Variants in FOXP1 observed in about 807,000 individuals in gnomAD.
The protein encoded by FOXP1 is forkhead box protein P1.
Under a neutral mutation model 98.2 loss-of-function variants are expected in FOXP1, and 15 were observed. That is an observed-to-expected ratio of 0.15 (90% CI 0.10 to 0.24). FOXP1 has a LOEUF of 0.24. Ranked by LOEUF, FOXP1 falls within the 10% of genes least tolerant of loss-of-function variation. The pLI is 1.00. For synonymous variants in FOXP1, 371 were observed against 314.5 expected (o/e 1.18, Z -1.90); for missense variants, 633 against 848.5 (o/e 0.75, Z 3.15).
intron 2 of FOXP1, among the ~76,000 whole-genome samples, chr3:71,540,969 T>A (rs2044760020): frequency 6.6e-6 from 1 of 152,214 alleles, no homozygotes; most frequent in Non-Finnish European, 1.5e-5. Flanking sequence ...TATCTTGCCA[T>A]TAAAACCCCA....
chr3:71,377,374 C>G (rs1403471734), intron 3 of FOXP1, among the ~76,000 whole-genome samples: 2 of 152,118 alleles, frequency 1.3e-5, no homozygotes, highest in Non-Finnish European at 2.9e-5. Context: ...ATATAAATAT[C>G]ATGTAAAGGA....
chr3:71,441,437 T>C (rs531523872), intron 3 of FOXP1, among the ~76,000 whole-genome samples: 4 of 152,350 alleles, frequency 2.6e-5, no homozygotes, highest in Non-Finnish European at 5.9e-5. Flanking sequence ...CTGCTCCAGA[T>C]TGGCCTAGCA....
intron 5 of FOXP1, among the ~76,000 whole-genome samples, chr3:71,239,707 G>GA (rs1384296306): frequency 5.9e-5 from 9 of 152,184 alleles, no homozygotes; most frequent in South Asian, 4.1e-4. Context: ...GTAAAAGCAG[G>GA]AAAAAGAATA....
In FOXP1 at chr3:70,966,958, CAA is replaced by C. The variant is rs566947895; in HGVS notation, c.1723-904_1723-903del. 3.9e-4 allele frequency among the ~76,000 whole-genome samples: 59 copies of C among 152,254 alleles called. No homozygotes were observed. The East Asian group carries it at 0.011, about 29-fold the overall frequency. On this transcript the variant is annotated intron_variant, in intron 19 of 20. Transcript: ENST00000649528. Reference sequence around the variant, plus strand: ...ATACCACTGGACTAAGTAAGGTACCCAAAAATTTGTTTCATCCAGGTGGTGAT... The same window carrying C: ...ATACCACTGGACTAAGTAAGGTACCCAAATTTGTTTCATCCAGGTGGTGAT...
intron 3 of FOXP1, among the ~76,000 whole-genome samples, chr3:71,412,210 T>G (rs2082805795): frequency 6.6e-6 from 1 of 152,174 alleles, no homozygotes; most frequent in African/African-American, 2.4e-5. Context: ...GACTTGCTCC[T>G]GGCACCTGGG....
At chr3:71,113,737 T>TAAAATAAAATAAAATAAAATAAAAG (rs2058131957) in intron 6 of FOXP1, among the ~76,000 whole-genome samples, 1 of 148,396 alleles carries the variant, frequency 6.7e-6, no homozygotes, top group Non-Finnish European at 1.5e-5. Context: ...TAAAATAAAA[T>TAAAATAAAATAAAATAAAATAAAAG]AAAATAAAAT....
At chr3:71,403,055 CA>C (rs1280431442) in intron 3 of FOXP1, among the ~76,000 whole-genome samples, 2 of 152,184 alleles carry the variant, frequency 1.3e-5, no homozygotes, top group African/African-American at 4.8e-5. Flanking sequence ...ATTGTATAAG[CA>C]AAACCAAATT....
intron 5 of FOXP1, among the ~76,000 whole-genome samples, chr3:71,237,231 GAAAAAAAAAAAAA>G (rs757405755): frequency 8.1e-4 from 23 of 28,280 alleles, no homozygotes; most frequent in Non-Finnish European, 9.3e-4. Flanking sequence ...GACTCCATCT[GAAAAAAAAAAAAA>G]AAAAAAAAAA....
intron 2 of FOXP1, among the ~76,000 whole-genome samples, chr3:71,522,484 C>G (rs974106560): frequency 6.6e-6 from 1 of 152,162 alleles, no homozygotes; most frequent in Admixed American, 6.5e-5. Flanking sequence ...CTTGAATTAG[C>G]TATGTGACCT....
rs906810212 is a variant in FOXP1 at position 71,040,255 on chromosome 3, C to T, written c.869+1073G>A. On this transcript the variant is annotated intron_variant, in intron 11 of 20. Transcript: ENST00000649528. ...ATATATGAAATTACATTTGTAATTG[C>T]ATAACTGAAATATATAATTAAATGT... 2.0e-5 allele frequency: 3 copies of T among 152,058 alleles called. No individual in the cohort carries two copies. In the East Asian group the frequency reaches 5.8e-4, roughly 29 times the overall value. The allele number at this position is 152,058 out of a possible 1,614,324, so 9.4% of individuals were successfully genotyped here. A position where few individuals can be genotyped will look rare whatever the true frequency, so the allele number is the denominator to read the frequency against.
chr3:71,581,914 T>C lies in FOXP1; in HGVS notation c.-446-217A>G, dbSNP rs951970037. 1.2e-5 allele frequency: 12 copies of C among 977,348 alleles called. No individual in the cohort carries two copies. The African/African-American group carries it at 2.2e-4, about 18-fold the overall frequency. The allele number at this position is 977,348 out of a possible 1,614,324, so 60.5% of individuals were successfully genotyped here. A position where few individuals can be genotyped will look rare whatever the true frequency, so the allele number is the denominator to read the frequency against. On this transcript the variant is annotated intron_variant, in intron 1 of 20. Coordinates refer to ENST00000649528, the MANE Select transcript of FOXP1 (RefSeq NM_001349338.3). ...ACCGGGAAATCGGCCCGAGCCAAAGTCTCAGCACCTTCCCCAGGATCTCAC... is the reference window on the plus strand; with the variant it reads ...ACCGGGAAATCGGCCCGAGCCAAAGCCTCAGCACCTTCCCCAGGATCTCAC...
chr3:71,553,923 T>C (rs1041898692), intron 2 of FOXP1, among the ~76,000 whole-genome samples: 1 of 152,234 alleles, frequency 6.6e-6, no homozygotes, highest in Non-Finnish European at 1.5e-5. Context: ...ATTCAAGTGA[T>C]ATATATTGCA....
intron 3 of FOXP1, among the ~76,000 whole-genome samples, chr3:71,378,834 C>T (rs1317287831): frequency 1.3e-5 from 2 of 151,818 alleles, no homozygotes; most frequent in Non-Finnish European, 1.5e-5. Context: ...TAGGAAAAAA[C>T]ATAGCCCCTA....
chr3:71,321,628 T>C (rs966241671), intron 4 of FOXP1, among the ~76,000 whole-genome samples: 44 of 142,778 alleles, frequency 3.1e-4, no homozygotes, highest in Non-Finnish European at 5.3e-4. Context: ...TTCTTTTTTC[T>C]TTTTTTTTTT....
chr3:71,474,852 T>A (rs770892473), intron 3 of FOXP1, among the ~76,000 whole-genome samples: 2 of 152,236 alleles, frequency 1.3e-5, no homozygotes, highest in Non-Finnish European at 2.9e-5. Flanking sequence ...GTTATGTGCT[T>A]GAATCATCCT....
chr3:71,536,374 A>G (rs1312374273), intron 2 of FOXP1, among the ~76,000 whole-genome samples: 1 of 152,116 alleles, frequency 6.6e-6, no homozygotes, highest in Non-Finnish European at 1.5e-5. Flanking sequence ...CAGAGGGTCT[A>G]TGTCTTCACC....
chr3:71,000,993 A>G lies in FOXP1; in HGVS notation c.1041T>C (p.Val347=). The G allele has an allele frequency of 6.2e-7, 1 of 1,612,906 alleles. No individual in the cohort carries two copies. Residue 347 remains valine, a synonymous_variant, in exon 13 of 21, where the codon GTT becomes GTC. Transcript: ENST00000649528. ...STAQCRVQMQ[V]VQQLELQLAK... ...TTACCTGTAGCTCTAACTGCTGTAC[A>G]ACCTGCATTTGTACTCTACATTGGG...
intron 3 of FOXP1, among the ~76,000 whole-genome samples, chr3:71,483,302 C>T (rs1560547848): frequency 1.3e-5 from 2 of 152,154 alleles, no homozygotes; most frequent in African/African-American, 4.8e-5. Context: ...TTATGCAGAA[C>T]AGCCTGTCTC....
chr3:71,064,067 C>A (rs896492798), intron 7 of FOXP1, among the ~76,000 whole-genome samples: 1 of 152,144 alleles, frequency 6.6e-6, no homozygotes, highest in African/African-American at 2.4e-5. Context: ...GCTGCACGTC[C>A]AAACCCAAAC....
Sources: allele counts gnomAD v4.1 joint callset (sites outside exome capture counted in the v4.1 genomes callset), GRCh38; gene constraint gnomAD v4.1.1; transcripts MANE v1.5; gene names NCBI Gene and HGNC (gene_info 2026-07-23, HGNC 2026-07-21).